The following TMEM170B variants were observed in gnomAD, a reference collection of about 807,000 sequenced individuals.
The protein encoded by TMEM170B is transmembrane protein 170B.
Under a neutral mutation model 13.0 loss-of-function variants are expected in TMEM170B, and 6 were observed. That is an observed-to-expected ratio of 0.46 (90% CI 0.25 to 0.91). TMEM170B has a LOEUF of 0.91. Ranked by LOEUF, TMEM170B falls within the 40% of genes least tolerant of loss-of-function variation. TMEM170B has a pLI of 0.17. For missense variants in TMEM170B, 138 were observed against 165.2 expected (o/e 0.84, Z 0.90); for synonymous variants, 61 against 64.9 (o/e 0.94, Z 0.29).
intron 1 of TMEM170B, among the ~76,000 whole-genome samples, chr6:11,548,623 C>T (rs1390877592): frequency 1.3e-5 from 2 of 152,138 alleles, no homozygotes; most frequent in African/African-American, 4.8e-5. Context: ...GACATGCACA[C>T]GTATGTTTAT....
intron 1 of TMEM170B, among the ~76,000 whole-genome samples, chr6:11,560,874 C>T (rs1387015264): frequency 2.6e-5 from 4 of 152,148 alleles, no homozygotes. Flanking sequence ...ATTCATTTCT[C>T]ATAAATAATG....
intron 1 of TMEM170B, among the ~76,000 whole-genome samples, chr6:11,563,000 T>C (rs977235092): frequency 5.3e-5 from 8 of 152,210 alleles, no homozygotes; most frequent in African/African-American, 1.9e-4. Context: ...TTTTAAATTT[T>C]TTACTTTTTA....
At chr6:11,567,592 A>G (rs1187495286) in intron 2 of TMEM170B, among the ~76,000 whole-genome samples, 1 of 152,116 alleles carries the variant, frequency 6.6e-6, no homozygotes, top group African/African-American at 2.4e-5. Flanking sequence ...AATGGGGAGG[A>G]GTCTGTTTTC....
Position 11,573,206 on chromosome 6 carries a change from A to AT in TMEM170B, c.269-2223dup, listed in dbSNP as rs1336688258. ...CTCTTTTCCTAGGATCATAAACATA[A>AT]TTCTCTTACATTTTAAAGTTTAGAT... On this transcript the variant is annotated intron_variant, in intron 2 of 2. Coordinates refer to ENST00000379426, the MANE Select transcript of TMEM170B (RefSeq NM_001100829.3). 4.6e-5 allele frequency among the ~76,000 whole-genome samples: 7 copies of AT among 152,234 alleles called. No homozygotes were observed. The East Asian group carries it at 1.4e-3, about 29-fold the overall frequency.
intron 1 of TMEM170B, among the ~76,000 whole-genome samples, chr6:11,554,801 G>T (rs1181240940): frequency 6.6e-6 from 1 of 152,024 alleles, no homozygotes; most frequent in African/African-American, 2.4e-5. Context: ...TAATGTTTCT[G>T]CTCTCTCTTA....
intron 2 of TMEM170B, among the ~76,000 whole-genome samples, chr6:11,567,689 G>T (rs919255165): frequency 3.9e-5 from 6 of 152,166 alleles, no homozygotes; most frequent in Non-Finnish European, 7.3e-5. Flanking sequence ...ATAATTTGAT[G>T]ATATGGATGG....
rs949386386 is a variant in TMEM170B at position 11,576,678 on chromosome 6, A to G, written c.*1117A>G. The G allele has an allele frequency of 6.6e-6, 1 of 152,166 alleles. No homozygotes were observed. The highest frequency in any genetic ancestry group is 1.9e-4 in the East Asian group (1 of 5,204). The allele number at this position is 152,166 out of a possible 1,614,324, so 9.4% of individuals were successfully genotyped here. ...AGTAATGAACTATTTTACTTTGGAC[A>G]TGTGGCAACATCATAATTTTGCTAA... On this transcript the variant is annotated 3_prime_UTR_variant, in exon 3 of 3. Coordinates refer to ENST00000379426, the MANE Select transcript of TMEM170B (RefSeq NM_001100829.3).
In TMEM170B at chr6:11,552,575, T is replaced by C. The variant is rs370903266; in HGVS notation, c.98-13091T>C. 1.9e-4 allele frequency among the ~76,000 whole-genome samples: 29 copies of C among 152,312 alleles called. No individual in the cohort carries two copies. The East Asian group carries it at 5.6e-3, about 29-fold the overall frequency. On this transcript the variant is annotated intron_variant, in intron 1 of 2. Coordinates refer to ENST00000379426, the MANE Select transcript of TMEM170B (RefSeq NM_001100829.3). ...CACTGTCTCTTCATAGAAGGGAAGTTGAGGTTGGGTTTTATTGCCTCTCAG... is the reference window on the plus strand; with the variant it reads ...CACTGTCTCTTCATAGAAGGGAAGTCGAGGTTGGGTTTTATTGCCTCTCAG...
At chr6:11,564,072 C>T (rs894514192) in intron 1 of TMEM170B, among the ~76,000 whole-genome samples, 1 of 152,172 alleles carries the variant, frequency 6.6e-6, no homozygotes, top group Admixed American at 6.5e-5. Flanking sequence ...GATAAGATTT[C>T]CTTCCTTCCC....
rs1311914215 is a variant in TMEM170B at position 11,537,790 on chromosome 6, G to C, written c.-488G>C. On this transcript the variant is annotated 5_prime_UTR_variant, in exon 1 of 3. Coordinates refer to ENST00000379426, the MANE Select transcript of TMEM170B (RefSeq NM_001100829.3). ...CCCGAGGGCGGGCAGGCGGGCGGCA[G>C]GTGCCGCCGCAGCCTCTGGCTGGTC... is the stretch of plus-strand genomic sequence containing the variant. Among the ~76,000 whole-genome samples the C allele has an allele frequency of 1.3e-5, 2 of 151,444 alleles. No homozygotes were observed. The highest frequency in any genetic ancestry group is 3.9e-4 in the East Asian group (2 of 5,072).
rs1365105570 is a variant in TMEM170B, at chr6:11,578,464, A to G, written c.*2903A>G. ...AAACTAATTACAGTTGAACATACTG[A>G]TTAAAAATGCCATAGATCACAGCTA... is the stretch of plus-strand genomic sequence containing the variant. On this transcript the variant is annotated 3_prime_UTR_variant, in exon 3 of 3. Coordinates refer to ENST00000379426, the MANE Select transcript of TMEM170B (RefSeq NM_001100829.3). 1 of 152,180 alleles carries G rather than the reference A, an allele frequency of 6.6e-6. No homozygotes were observed. The highest frequency in any genetic ancestry group is 1.5e-5 in the Non-Finnish European group (1 of 68,014). The allele number at this position is 152,180 out of a possible 1,614,324, so 9.4% of individuals were successfully genotyped here. A position where few individuals can be genotyped will look rare whatever the true frequency, so the allele number is the denominator to read the frequency against.
chr6:11,562,856 C>T (rs1020456543), intron 1 of TMEM170B, among the ~76,000 whole-genome samples: 4 of 152,144 alleles, frequency 2.6e-5, no homozygotes, highest in African/African-American at 9.7e-5. Context: ...AGAAGAAATC[C>T]ATTACCACAA....
chr6:11,538,067 C>G lies in TMEM170B; in HGVS notation c.-211C>G, dbSNP rs185056321. ...TCCGCCGTCCTCAATGTCTCCCCGG[C>G]GGGGAGGGGGCTGCCTGGGAGACAC... On this transcript the variant is annotated 5_prime_UTR_variant, in exon 1 of 3. Coordinates refer to ENST00000379426, the MANE Select transcript of TMEM170B (RefSeq NM_001100829.3). 6.6e-6 allele frequency among the ~76,000 whole-genome samples: 1 copy of G among 151,108 alleles called. No individual in the cohort carries two copies. The highest frequency in any genetic ancestry group is 1.5e-5 in the Non-Finnish European group (1 of 67,598).
Position 11,581,486 on chromosome 6 carries a change from C to G in TMEM170B, c.*5925C>G, listed in dbSNP as rs765135224. 2.6e-5 allele frequency: 4 copies of G among 152,174 alleles called. No homozygotes were observed. The highest frequency in any genetic ancestry group is 4.4e-5 in the Non-Finnish European group (3 of 68,036). 9.4% of individuals were successfully genotyped at this position (152,174 alleles called of 1,614,324 possible). On this transcript the variant is annotated 3_prime_UTR_variant, in exon 3 of 3. Transcript: ENST00000379426. ...TGTACTGCACCCACATGTATCTACT[C>G]TTGGTAGTAACATGACTCCACCCTT...
intron 1 of TMEM170B, among the ~76,000 whole-genome samples, chr6:11,558,770 T>G (rs1383208711): frequency 6.6e-6 from 1 of 152,164 alleles, no homozygotes; most frequent in Non-Finnish European, 1.5e-5. Context: ...ATCACGTACA[T>G]ACTGTACTCT....
chr6:11,540,684 G>A (rs1414348183), intron 1 of TMEM170B, among the ~76,000 whole-genome samples: 1 of 152,172 alleles, frequency 6.6e-6, no homozygotes, highest in Non-Finnish European at 1.5e-5. Context: ...AGTCACGATT[G>A]TTCTTAAGGG....
At chr6:11,573,565 T>G (rs1367411016) in intron 2 of TMEM170B, among the ~76,000 whole-genome samples, 1 of 152,208 alleles carries the variant, frequency 6.6e-6, no homozygotes, top group African/African-American at 2.4e-5. Context: ...TGCTAAGTAG[T>G]GGAGCTTGGA....
At position 11,547,683 on chromosome 6, in the gene TMEM170B, A is replaced by AT. The variant is rs899917581; in HGVS notation, c.97+9318dup. Among the ~76,000 whole-genome samples the AT allele has an allele frequency of 1.7e-4, 25 of 151,162 alleles. No homozygotes were observed. In the East Asian group the frequency reaches 1.7e-3, roughly 11 times the overall value. On this transcript the variant is annotated intron_variant, in intron 1 of 2. Transcript: ENST00000379426. ...TTAAAAACCGAAATTGTCATTAGGG[A>AT]TTTTTTTTTGTTTTTACCATTTGTC...
intron 1 of TMEM170B, among the ~76,000 whole-genome samples, chr6:11,564,847 G>C (rs2113777432): frequency 6.6e-6 from 1 of 152,324 alleles, no homozygotes; most frequent in Non-Finnish European, 1.5e-5. Flanking sequence ...GAAGTCCCAG[G>C]GGAAGGGAAC....
Sources: gnomAD v4.1 joint callset for allele counts (sites outside exome capture counted in the v4.1 genomes callset) on GRCh38, gnomAD v4.1.1 for gene constraint, MANE v1.5 for transcripts, NCBI Gene and HGNC (gene_info 2026-07-23, HGNC 2026-07-21) for gene names.